The following PRR16 variants were observed in gnomAD, a reference collection of about 807,000 sequenced individuals.
PRR16 encodes the protein protein Largen.
PRR16 carries 6 observed loss-of-function variants against 18.2 expected under a neutral mutation model. The observed-to-expected ratio is 0.33, with a 90% CI of 0.18 to 0.65. The LOEUF (loss-of-function observed/expected upper bound fraction) is 0.65, where lower values mean the gene tolerates loss of function less well. PRR16 is among the 30% of genes least tolerant of loss of function. The pLI, the probability that PRR16 is intolerant of heterozygous loss-of-function variation, is 0.74. For missense variants in PRR16, 412 were observed against 376.6 expected (o/e 1.09, Z -0.78); for synonymous variants, 151 against 147.8 (o/e 1.02, Z -0.16).
At chr5:120,480,226 G>T (rs1254142431) in intron 1 of PRR16, among the ~76,000 whole-genome samples, 1 of 152,242 alleles carries the variant, frequency 6.6e-6, no homozygotes, top group East Asian at 1.9e-4. Flanking sequence ...AGTGAGCCCA[G>T]TGTTTGTGAT....
At chr5:120,538,290 A>G (rs1751794115) in intron 1 of PRR16, among the ~76,000 whole-genome samples, 1 of 152,190 alleles carries the variant, frequency 6.6e-6, no homozygotes, top group South Asian at 2.1e-4. Context: ...TTTAATTGAT[A>G]AGCATTCTGA....
intron 1 of PRR16, among the ~76,000 whole-genome samples, chr5:120,669,627 C>T (rs1470056043): frequency 6.6e-6 from 1 of 151,940 alleles, no homozygotes; most frequent in Non-Finnish European, 1.5e-5. Flanking sequence ...ACATTTTATT[C>T]AAACTTATAA....
chr5:120,484,477 TA>T (rs1749725008), intron 1 of PRR16, among the ~76,000 whole-genome samples: 1 of 145,140 alleles, frequency 6.9e-6, no homozygotes, highest in Admixed American at 7.1e-5. Flanking sequence ...TATGTTTATA[TA>T]ATTAGATATG....
chr5:120,621,377 C>T (rs17428689), intron 1 of PRR16, among the ~76,000 whole-genome samples: 6,875 of 152,050 alleles, frequency 0.045, 218 homozygotes, highest in Non-Finnish European at 0.066. Context: ...TGATCATTCC[C>T]CTGTGATCTG....
At chr5:120,548,152 C>G (rs2112694492) in intron 1 of PRR16, among the ~76,000 whole-genome samples, 1 of 152,028 alleles carries the variant, frequency 6.6e-6, no homozygotes, top group East Asian at 1.9e-4. Context: ...TTTTCAAATA[C>G]TGTAGATAGA....
the PRR16 span, among the ~76,000 whole-genome samples, chr5:120,751,420 C>T: frequency 3.9e-5 from 6 of 152,078 alleles, no homozygotes; most frequent in Non-Finnish European, 5.9e-5. Flanking sequence ...TCCTCTTTCT[C>T]TGCCTCCTCA....
At chr5:120,468,109 G>C (rs1029565603) in intron 1 of PRR16, among the ~76,000 whole-genome samples, 1 of 152,098 alleles carries the variant, frequency 6.6e-6, no homozygotes, top group African/African-American at 2.4e-5. Flanking sequence ...ATGAGAGTGA[G>C]TATATGTTGA....
At chr5:120,494,722 A>G (rs1580645825) in intron 1 of PRR16, among the ~76,000 whole-genome samples, 1 of 151,984 alleles carries the variant, frequency 6.6e-6, no homozygotes, top group East Asian at 1.9e-4. Flanking sequence ...TTTCCCTTAT[A>G]TTTTACATTT....
intron 1 of PRR16, among the ~76,000 whole-genome samples, chr5:120,498,365 A>G (rs1037191929): frequency 1.3e-5 from 2 of 149,498 alleles, no homozygotes; most frequent in African/African-American, 4.9e-5. Flanking sequence ...AAATGTATAT[A>G]TATATATAAA....
At chr5:120,528,779 G>A (rs1047213591) in intron 1 of PRR16, among the ~76,000 whole-genome samples, 11 of 152,164 alleles carry the variant, frequency 7.2e-5, no homozygotes, top group Non-Finnish European at 1.5e-4. Context: ...TCTAGAGACG[G>A]TTGACAGTCC....
chr5:120,487,476 G>T (rs1482169907), intron 1 of PRR16, among the ~76,000 whole-genome samples: 1 of 152,162 alleles, frequency 6.6e-6, no homozygotes, highest in African/African-American at 2.4e-5. Context: ...AAGAATGCTT[G>T]TGATTTTTGC....
At chr5:120,568,200 G>A (rs10478481) in intron 1 of PRR16, among the ~76,000 whole-genome samples, 32,133 of 152,070 alleles carry the variant, frequency 0.21, 3,565 homozygotes, top group Non-Finnish European at 0.21. Context: ...TAATACCAGT[G>A]ATTGCAAAGG....
At chr5:120,662,573 C>T (rs995622473) in intron 1 of PRR16, among the ~76,000 whole-genome samples, 4 of 152,114 alleles carry the variant, frequency 2.6e-5, no homozygotes. Context: ...CTGCATTTTG[C>T]ACTATGTATT....
the PRR16 span, among the ~76,000 whole-genome samples, chr5:120,716,092 C>T: frequency 1.3e-3 from 203 of 152,270 alleles, no homozygotes; most frequent in African/African-American, 4.3e-3. Flanking sequence ...AAAAAAGCAT[C>T]TCCAGAAATT....
intron 1 of PRR16, among the ~76,000 whole-genome samples, chr5:120,571,969 T>A (rs1190089093): frequency 6.6e-6 from 1 of 152,080 alleles, no homozygotes; most frequent in African/African-American, 2.4e-5. Flanking sequence ...CCATATAGTC[T>A]CAGGACCTCC....
intron 1 of PRR16, among the ~76,000 whole-genome samples, chr5:120,486,866 G>T (rs2112819003): frequency 6.6e-6 from 1 of 152,232 alleles, no homozygotes; most frequent in East Asian, 1.9e-4. Flanking sequence ...TCTACATATG[G>T]CTAGCCAGTT....
At chr5:120,574,054 T>C (rs1330651484) in intron 1 of PRR16, among the ~76,000 whole-genome samples, 1 of 151,858 alleles carries the variant, frequency 6.6e-6, no homozygotes, top group East Asian at 1.9e-4. Context: ...TTCAAAAAAA[T>C]ACAGAAGCTC....
chr5:120,686,226 C>T lies in PRR16; in HGVS notation c.432C>T (p.Ala144=), dbSNP rs1757116492. 6.2e-7 allele frequency: 1 copy of T among 1,613,988 alleles called. No individual in the cohort carries two copies. The highest frequency in any genetic ancestry group is 8.5e-7 in the Non-Finnish European group (1 of 1,180,032). Residue 144 remains alanine, a synonymous_variant, in exon 2 of 2, where the codon GCC becomes GCT. Coordinates refer to ENST00000407149, the MANE Select transcript of PRR16 (RefSeq NM_001300783.2). ...ACCCCAAAAGGGTGGTTCCAACTGC[C>T]AATCCTGTAAAAACCAATGGCACCC... is the stretch of plus-strand genomic sequence containing the variant. ...CEDPKRVVPT[A]NPVKTNGTLL... is the part of the protein sequence containing the mutation.
intron 1 of PRR16, among the ~76,000 whole-genome samples, chr5:120,551,298 A>G (rs539939643): frequency 6.6e-6 from 1 of 152,118 alleles, no homozygotes; most frequent in African/African-American, 2.4e-5. Context: ...TTCTCTTAGC[A>G]TAATATCTAC....
Sources: gnomAD v4.1 joint callset for allele counts (sites outside exome capture counted in the v4.1 genomes callset) on GRCh38, gnomAD v4.1.1 for gene constraint, MANE v1.5 for transcripts, NCBI Gene and HGNC (gene_info 2026-07-23, HGNC 2026-07-21) for gene names.